DPP6: variants seen among roughly 807,000 people sequenced by gnomAD.
The protein encoded by DPP6 is dipeptidyl peptidase like 6, also known as A-type potassium channel modulatory protein DPP6.
Under a neutral mutation model 122.6 loss-of-function variants are expected in DPP6, and 69 were observed. That is an observed-to-expected ratio of 0.56 (90% confidence interval 0.46 to 0.69). The LOEUF is 0.69. Ranked by LOEUF, DPP6 falls within the 30% of genes least tolerant of loss-of-function variation. The pLI is 0.00. For missense variants in DPP6, 928 were observed against 1,116.9 expected, an observed-to-expected ratio of 0.83 and a Z score of 2.41; for synonymous variants, 418 against 433.1, an observed-to-expected ratio of 0.97 and a Z score of 0.43.
At chr7:153,869,605 A>G in the DPP6 span, among the ~76,000 whole-genome samples, 1 of 152,148 alleles carries the variant, frequency 6.6e-6, no homozygotes, top group East Asian at 1.9e-4. Flanking sequence ...ACTCTATTCA[A>G]TTTGCTAGTC....
chr7:154,708,189 C>CG (rs2131292358), intron 7 of DPP6, among the ~76,000 whole-genome samples: 1 of 152,310 alleles, frequency 6.6e-6, no homozygotes, highest in Non-Finnish European at 1.5e-5. Flanking sequence ...CACATAACCA[C>CG]GTGTATACAT....
At chr7:154,182,106 G>T (rs182714977) in intron 1 of DPP6, among the ~76,000 whole-genome samples, 19 of 152,234 alleles carry the variant, frequency 1.2e-4, no homozygotes, top group Middle Eastern at 3.4e-3. Flanking sequence ...GGCAGTCTGG[G>T]CTGTGGATGT....
At chr7:154,120,418 T>G (rs71532648) in intron 1 of DPP6, among the ~76,000 whole-genome samples, 6 of 151,932 alleles carry the variant, frequency 3.9e-5, no homozygotes, top group South Asian at 2.1e-4. Context: ...CTAATTTTTT[T>G]TATTTTTAGT....
chr7:154,702,721 A>G (rs755954464), intron 7 of DPP6, among the ~76,000 whole-genome samples: 2 of 152,250 alleles, frequency 1.3e-5, no homozygotes, highest in Non-Finnish European at 2.9e-5. Context: ...CGTCTCCATA[A>G]CATAAAAGTG....
intron 5 of DPP6, among the ~76,000 whole-genome samples, chr7:154,576,764 C>T (rs1831706795): frequency 6.6e-6 from 1 of 152,132 alleles, no homozygotes; most frequent in East Asian, 1.9e-4. Flanking sequence ...GAGTATTCAG[C>T]ACCCACGACC....
chr7:154,580,572 C>T (rs550944429), intron 5 of DPP6, among the ~76,000 whole-genome samples: 1 of 152,228 alleles, frequency 6.6e-6, no homozygotes, highest in Admixed American at 6.5e-5. Flanking sequence ...CCCCGTGAGT[C>T]TTCATGTGGT....
rs987778721 is a variant in DPP6, at chr7:154,305,640, G to A, written c.244-140574G>A. 7 of 1,503,638 alleles carry A rather than the reference G, an allele frequency of 4.7e-6. No individual in the cohort carries two copies. The African/African-American group carries it at 9.7e-5, about 21-fold the overall frequency. The allele number at this position is 1,503,638 out of a possible 1,614,324, so 93.1% of individuals were successfully genotyped here. ...TGTGCATGAGAGAGACAGAGACAGA[G>A]AGGGAGGATATGTATTTGGGGAAGA... On this transcript the variant is annotated intron_variant, in intron 1 of 25. Transcript: ENST00000377770.
intron 5 of DPP6, among the ~76,000 whole-genome samples, chr7:154,595,196 T>C (rs1586703720): frequency 6.6e-6 from 1 of 152,150 alleles, no homozygotes; most frequent in African/African-American, 2.4e-5. Context: ...CTTCCCCTTC[T>C]CCGTTGCCAT....
intron 8 of DPP6, among the ~76,000 whole-genome samples, chr7:154,737,912 C>T (rs944134410): frequency 6.6e-6 from 1 of 152,210 alleles, no homozygotes; most frequent in Non-Finnish European, 1.5e-5. Context: ...CCTCAGTTTC[C>T]TGGTCTGGAT....
intron 1 of DPP6, chr7:154,093,677 G>A (rs911891271): frequency 1.4e-5 from 2 of 141,682 alleles, no homozygotes; most frequent in African/African-American, 5.0e-5. Flanking sequence ...CTTCTGTTGA[G>A]GCTGTGCCCC....
At chr7:153,809,298 A>G in the DPP6 span, among the ~76,000 whole-genome samples, 160 of 151,968 alleles carry the variant, frequency 1.1e-3, 2 homozygotes, top group African/African-American at 3.7e-3. Flanking sequence ...TTGGATATTA[A>G]TTCTCTGCTT....
chr7:154,134,425 C>A (rs1256417742), intron 1 of DPP6, among the ~76,000 whole-genome samples: 2 of 152,124 alleles, frequency 1.3e-5, no homozygotes, highest in Non-Finnish European at 2.9e-5. Flanking sequence ...GGGCTGCCCA[C>A]AGGGAAGGAA....
chr7:154,757,828 G>C (rs1016972903), intron 8 of DPP6, among the ~76,000 whole-genome samples: 3 of 152,310 alleles, frequency 2.0e-5, no homozygotes, highest in East Asian at 1.9e-4. Context: ...TTCACAGGTT[G>C]GCAGAGGGCC....
chr7:154,324,867 A>ATTTTTTTTTTT (rs143944650), intron 1 of DPP6, among the ~76,000 whole-genome samples: 30 of 113,044 alleles, frequency 2.7e-4, no homozygotes, highest in Non-Finnish European at 3.8e-4. Flanking sequence ...TCCTTTTGTT[A>ATTTTTTTTTTT]TTTTTTTTTT....
At chr7:154,630,138 C>T (rs1478873183) in intron 5 of DPP6, among the ~76,000 whole-genome samples, 1 of 152,172 alleles carries the variant, frequency 6.6e-6, no homozygotes, top group Non-Finnish European at 1.5e-5. Context: ...CTCAGATGAC[C>T]TCTGCGCCTT....
intron 1 of DPP6, among the ~76,000 whole-genome samples, chr7:153,959,876 C>T (rs1795257781): frequency 6.6e-6 from 1 of 152,244 alleles, no homozygotes; most frequent in Non-Finnish European, 1.5e-5. Flanking sequence ...GCCTAGCTTT[C>T]AGCCGATCTC....
At chr7:154,861,589 TA>T (rs1432481873) in intron 17 of DPP6, among the ~76,000 whole-genome samples, 1 of 152,240 alleles carries the variant, frequency 6.6e-6, no homozygotes, top group Admixed American at 6.5e-5. Context: ...CCGGTGACCA[TA>T]AGGCCATAAT....
intron 16 of DPP6, among the ~76,000 whole-genome samples, chr7:154,832,205 G>T (rs1800685328): frequency 6.6e-6 from 1 of 152,162 alleles, no homozygotes; most frequent in Non-Finnish European, 1.5e-5. Flanking sequence ...GCTTGAGATC[G>T]ATGCTTTTGA....
chr7:154,425,182 T>C (rs772053302), intron 1 of DPP6, among the ~76,000 whole-genome samples: 11 of 152,172 alleles, frequency 7.2e-5, no homozygotes, highest in Admixed American at 2.0e-4. Flanking sequence ...ACTCATGGTC[T>C]TCCTGACAGG....
Sources: gnomAD v4.1 joint callset for allele counts (sites outside exome capture counted in the v4.1 genomes callset) on GRCh38, gnomAD v4.1.1 for gene constraint, MANE v1.5 for transcripts, NCBI Gene and HGNC (gene_info 2026-07-23, HGNC 2026-07-21) for gene names.